The following NTN5 variants were observed in gnomAD, a reference collection of about 807,000 sequenced individuals.
The protein encoded by NTN5 is netrin-5.
Under a neutral mutation model 38.7 loss-of-function variants are expected in NTN5, and 42 were observed. The ratio of observed to expected loss-of-function variants is 1.08; its 90% CI spans 0.85 to 1.40. The LOEUF (loss-of-function observed/expected upper bound fraction) is 1.40, where lower values mean the gene tolerates loss of function less well. NTN5 is among the 40% of genes most tolerant of loss of function. The pLI is 0.00. For synonymous variants in NTN5, 329 were observed against 303.9 expected (o/e 1.08, Z -0.86); for missense variants, 658 against 716.5 (o/e 0.92, Z 0.93).
chr19:48,666,747 G>A (rs2031715027), intron 2 of NTN5, among the ~76,000 whole-genome samples: 2 of 125,482 alleles, frequency 1.6e-5, no homozygotes, highest in Non-Finnish European at 3.2e-5. Context: ...GCAGTGGCAC[G>A]ATCATAACTC....
chr19:48,661,706 G>T lies in NTN5; in HGVS notation c.1441C>A (p.Pro481Thr), dbSNP rs559734915. 1.9e-5 allele frequency: 30 copies of T among 1,557,526 alleles called. No homozygotes were observed. The African/African-American group carries it at 3.9e-4, about 20-fold the overall frequency. ...TGCTCCGGCCTGGGACTGGGTGTGGGTGCCCGCACGCCGCGGCAGCCTCCG... is the reference window on the plus strand; with the variant it reads ...TGCTCCGGCCTGGGACTGGGTGTGGTTGCCCGCACGCCGCGGCAGCCTCCG... ...RAGGCRGVRA[P>T]TPSPRPEH The change falls in exon 7 of 7, where the codon CCC becomes ACC. Residue 481 changes from proline to threonine, a missense_variant. Transcript: ENST00000270235.
intron 2 of NTN5, among the ~76,000 whole-genome samples, chr19:48,665,907 C>T (rs1221475826): frequency 6.6e-6 from 1 of 151,988 alleles, no homozygotes; most frequent in African/African-American, 2.4e-5. Context: ...ATTCCCTGGA[C>T]AGGTAATTTA....
rs759178564 is a variant in NTN5 at position 48,670,466 on chromosome 19, CG to C, written c.520del (p.Arg174AlafsTer125). The C allele has an allele frequency of 1.7e-4, 251 of 1,473,448 alleles. No homozygotes were observed. The highest frequency in any genetic ancestry group is 2.0e-4 in the Non-Finnish European group (218 of 1,112,730). The allele number at this position is 1,473,448 out of a possible 1,614,324, so 91.3% of individuals were successfully genotyped here. ...AGTGGTATGGTGGCGGCAGTGGCAG[CG>C]GGGGGGCCGGGCACGGGCGGCACAG... ...ARCAARARPP[R>X]CHCRHHTTGP... On this transcript the variant is annotated frameshift_variant, in exon 2 of 7. Transcript: ENST00000270235. LOFTEE classifies it high-confidence loss of function.
chr19:48,662,751 C>T (rs561487028), intron 6 of NTN5: 26 of 158,178 alleles, frequency 1.6e-4, no homozygotes, highest in South Asian at 3.7e-4. Context: ...CCACCGCGCC[C>T]GGCCAGAAAA....
rs1203993637 is a variant in NTN5, at chr19:48,661,692, G to A, written c.1455C>T (p.Pro485=). The stretch of plus-strand genomic sequence containing the variant: ...CATCTCACGTCTAGTGCTCCGGCCT[G>A]GGACTGGGTGTGGGTGCCCGCACGC... ...CRGVRAPTPS[P]RPEH is the part of the protein sequence containing the mutation. The change falls in exon 7 of 7, where the codon CCC becomes CCT. Residue 485 remains proline (P), a synonymous_variant. Transcript: ENST00000270235. 1 of 1,555,208 alleles carries A rather than the reference G, an allele frequency of 6.4e-7. No individual in the cohort carries two copies. The highest frequency in any genetic ancestry group is 8.6e-7 in the Non-Finnish European group (1 of 1,160,946).
At position 48,670,475 on chromosome 19, in the gene NTN5, CG is replaced by C; in HGVS notation, c.511del (p.Arg171GlyfsTer128). ...GHAARCAARA[R>X]PPRCHCRHHT... Reference sequence around the variant, plus strand: ...GTGGCGGCAGTGGCAGCGGGGGGGCCGGGCACGGGCGGCACAGCGGGCAGCG... The same window carrying C: ...GTGGCGGCAGTGGCAGCGGGGGGGCCGGCACGGGCGGCACAGCGGGCAGCG... On this transcript the variant is annotated frameshift_variant, in exon 2 of 7. Coordinates refer to ENST00000270235, the MANE Select transcript of NTN5 (RefSeq NM_145807.4). LOFTEE classifies it high-confidence loss of function. The C allele has an allele frequency of 6.8e-7, 1 of 1,472,984 alleles. No homozygotes were observed. Among genetic ancestry groups the C allele is most frequent in the Non-Finnish European group, 9.0e-7 (1 of 1,112,566 alleles). The allele number at this position is 1,472,984 out of a possible 1,614,324, so 91.2% of individuals were successfully genotyped here.
intron 6 of NTN5, chr19:48,663,262 A>G (rs781609655): frequency 5.8e-6 from 4 of 683,870 alleles, no homozygotes; most frequent in Non-Finnish European, 1.1e-5. Context: ...GAGGAGACAC[A>G]GGAAGGTAGT....
At chr19:48,667,355 G>C (rs564892309) in intron 2 of NTN5, 1 of 381,316 alleles carries the variant, frequency 2.6e-6, no homozygotes, top group Non-Finnish European at 5.3e-6. Flanking sequence ...CGGGTTTGGA[G>C]GGCACTGCCC....
chr19:48,667,326 G>A, intron 2 of NTN5: 1 of 338,860 alleles, frequency 3.0e-6, no homozygotes, highest in Non-Finnish European at 6.1e-6. Flanking sequence ...CTCCACTGCA[G>A]CATTGTCAGT....
chr19:48,666,746 C>T (rs1382502391), intron 2 of NTN5, among the ~76,000 whole-genome samples: 4 of 129,702 alleles, frequency 3.1e-5, no homozygotes, highest in African/African-American at 1.2e-4. Flanking sequence ...TGCAGTGGCA[C>T]GATCATAACT....
At chr19:48,669,312 TCAC>T (rs1568451994) in intron 2 of NTN5, among the ~76,000 whole-genome samples, 2 of 12,112 alleles carry the variant, frequency 1.7e-4, no homozygotes, top group Non-Finnish European at 3.5e-4. Context: ...ACCACCACCA[TCAC>T]CACCACCATC....
At position 48,671,675 on chromosome 19, in the gene NTN5, C is replaced by T. The variant is rs535033179; in HGVS notation, c.-20-669G>A. 2.4e-4 allele frequency among the ~76,000 whole-genome samples: 37 copies of T among 151,992 alleles called. 2 individuals are homozygous for T. The highest frequency in any genetic ancestry group is 1.6e-3 in the Admixed American group (24 of 15,272). ...AAGGGGACAGGCTAGGGGTGTCTGG[C>T]GGGGGATCAGAAGTGAGAGACCGAG... is the stretch of plus-strand genomic sequence containing the variant. On this transcript the variant is annotated intron_variant, in intron 1 of 6. Coordinates refer to ENST00000270235, the MANE Select transcript of NTN5 (RefSeq NM_145807.4).
rs2031550063 is a variant in NTN5, at chr19:48,661,757, T to G, written c.1390A>C (p.Lys464Gln). 6.6e-7 allele frequency: 1 copy of G among 1,507,112 alleles called. No individual in the cohort carries two copies. The highest frequency in any genetic ancestry group is 1.2e-5 in the South Asian group (1 of 80,660). The allele number at this position is 1,507,112 out of a possible 1,614,324, so 93.4% of individuals were successfully genotyped here. A position where few individuals can be genotyped will look rare whatever the true frequency, so the allele number is the denominator to read the frequency against. The change falls in exon 7 of 7, where the codon AAG becomes CAG. Residue 464 changes from lysine to glutamine, a missense_variant. Coordinates refer to ENST00000270235, the MANE Select transcript of NTN5 (RefSeq NM_145807.4). The stretch of plus-strand genomic sequence containing the variant: ...GCGCGCTCCTCCTGCTGCAGCCGCT[T>G]CAGGGGCCGGGCCCAGCGCGGCCTC... ...PWRPRWARPL[K>Q]RLQQEERAGG... is the part of the protein sequence containing the mutation.
intron 1 of NTN5, among the ~76,000 whole-genome samples, 167 bp from the exon 2 acceptor site, chr19:48,671,173 A>G (rs1454810724): frequency 1.3e-5 from 2 of 152,144 alleles, no homozygotes; most frequent in African/African-American, 2.4e-5. Flanking sequence ...TACTGTTTAC[A>G]TAACCCAAAG....
intron 2 of NTN5, among the ~76,000 whole-genome samples, chr19:48,669,933 C>CCACCA (rs2031897003): frequency 1.1e-5 from 1 of 94,188 alleles, no homozygotes; most frequent in Non-Finnish European, 2.2e-5. Flanking sequence ...ATCATCACCA[C>CCACCA]TACCATCACC....
chr19:48,664,124 C>T lies in NTN5; in HGVS notation c.970+19G>A, dbSNP rs752179474. The T allele has an allele frequency of 1.3e-6, 2 of 1,594,326 alleles. No homozygotes were observed. The highest frequency in any genetic ancestry group is 1.7e-4 in the Middle Eastern group (1 of 5,724). ...TTCCCGCTCTACTCAGGCTTGTGGC[C>T]TGGCCCCTCAAGACTTACGCTGGCA... On this transcript the variant is annotated intron_variant, in intron 4 of 6. Coordinates refer to ENST00000270235, the MANE Select transcript of NTN5 (RefSeq NM_145807.4).
chr19:48,669,576 T>TCACCACCACCAC (rs1356023446), intron 2 of NTN5, among the ~76,000 whole-genome samples: 375 of 12,178 alleles, frequency 0.031, 54 homozygotes, highest in South Asian at 0.075. Context: ...ATCACCACCA[T>TCACCACCACCAC]CACCACCACG....
At chr19:48,672,007 G>A (rs986723054) in intron 1 of NTN5, among the ~76,000 whole-genome samples, 2 of 152,120 alleles carry the variant, frequency 1.3e-5, no homozygotes, top group African/African-American at 4.8e-5. Flanking sequence ...TCAGGGTGTG[G>A]GGACCGGAAG....
chr19:48,672,900 C>G (rs1297442896), intron 1 of NTN5, 32 bp downstream of exon 1: 1 of 219,582 alleles, frequency 4.6e-6, no homozygotes, highest in African/African-American at 2.3e-5. Flanking sequence ...CACCCCCCAA[C>G]CCGAGCCCTG....
Sources: allele counts gnomAD v4.1 joint callset (sites outside exome capture counted in the v4.1 genomes callset), GRCh38; gene constraint gnomAD v4.1.1; transcripts MANE v1.5; gene names NCBI Gene and HGNC (gene_info 2026-07-23, HGNC 2026-07-21).